The following ARMH4 variants were observed in gnomAD, a reference collection of about 807,000 sequenced individuals.
ARMH4 encodes armadillo-like helical domain-containing protein 4.
ARMH4 carries 49 observed loss-of-function variants against 61.9 expected under a neutral mutation model. The observed-to-expected ratio is 0.79, with a 90% confidence interval of 0.63 to 1.00. The LOEUF (loss-of-function observed/expected upper bound fraction) is 1.00, where lower values mean the gene tolerates loss of function less well. Among genes scored for constraint, ARMH4 ranks in the 50% least tolerant of loss-of-function variants. The pLI, the probability that ARMH4 is intolerant of heterozygous loss-of-function variation, is 0.00. For missense variants in ARMH4, 934 were observed against 930.0 expected, an observed-to-expected ratio of 1.00 and a Z score of -0.06; for synonymous variants, 368 against 341.5, an observed-to-expected ratio of 1.08 and a Z score of -0.85.
At chr14:58,067,153 A>G (rs1375825370) in intron 5 of ARMH4, among the ~76,000 whole-genome samples, 4 of 152,174 alleles carry the variant, frequency 2.6e-5, no homozygotes, top group African/African-American at 9.7e-5. Context: ...TCTGCTTTGT[A>G]CCCTTCCATC....
At chr14:58,096,306 G>C (rs550028446) in intron 5 of ARMH4, among the ~76,000 whole-genome samples, 1 of 152,132 alleles carries the variant, frequency 6.6e-6, no homozygotes, top group African/African-American at 2.4e-5. Flanking sequence ...TTTGTTCTTC[G>C]ACTCTGTCCC....
chr14:58,139,162 G>A lies in ARMH4; in HGVS notation c.197C>T (p.Pro66Leu). Residue 66 changes from proline (P) to leucine (L), a missense_variant, in exon 2 of 8, where the codon CCC becomes CTC. Physicochemically the swap from Pro to Leu is moderately conservative, Grantham distance 98. Transcript: ENST00000267485. ...ENSSVTSKQT[P>L]QLVVSEDPMM... ...TGGATCTTCAGAGACCACCAGTTGG[G>A]GAGTCTGCTTTGAGGTAACAGAGCT... 1 of 1,614,182 alleles carries A rather than the reference G, an allele frequency of 6.2e-7. No individual in the cohort carries two copies. The highest frequency in any genetic ancestry group is 1.3e-5 in the African/African-American group (1 of 75,034).
At position 58,004,846 on chromosome 14, in the gene ARMH4, C is replaced by T. The variant is rs542934434; in HGVS notation, c.2257-42G>A. On this transcript the variant is annotated intron_variant, in intron 7 of 7. Transcript: ENST00000267485. Reference sequence around the variant, plus strand: ...GAAAAGCATTAAACTCTTTCTGCCACAGAGCAAAGCTGAGAAACAGGCCCA... The same window carrying T: ...GAAAAGCATTAAACTCTTTCTGCCATAGAGCAAAGCTGAGAAACAGGCCCA... 433 of 1,578,504 alleles carry T rather than the reference C, an allele frequency of 2.7e-4. 4 individuals carry two copies. The South Asian group carries it at 4.5e-3, about 16-fold the overall frequency.
chr14:58,092,819 T>TTA (rs1885617033), intron 5 of ARMH4, among the ~76,000 whole-genome samples: 1 of 120,102 alleles, frequency 8.3e-6, no homozygotes, highest in Middle Eastern at 3.9e-3. Context: ...CCTTCCCTTT[T>TTA]TGTTTTTTTT....
intron 5 of ARMH4, among the ~76,000 whole-genome samples, chr14:58,040,804 G>C (rs533387578): frequency 1.3e-5 from 2 of 152,308 alleles, no homozygotes; most frequent in East Asian, 3.9e-4. Flanking sequence ...TCTACTTCCA[G>C]TATATTGTGA....
chr14:58,130,318 T>C (rs1887047240), intron 4 of ARMH4, among the ~76,000 whole-genome samples: 2 of 152,230 alleles, frequency 1.3e-5, no homozygotes, highest in Admixed American at 6.5e-5. Context: ...TAAAATGTCA[T>C]GTTCCTCTGT....
chr14:58,022,920 A>G (rs753587555), intron 5 of ARMH4, among the ~76,000 whole-genome samples: 3 of 152,248 alleles, frequency 2.0e-5, no homozygotes, highest in Non-Finnish European at 2.9e-5. Context: ...TAAAAGTTAT[A>G]TTTGCACTAT....
chr14:58,112,419 A>T (rs1241189575), intron 4 of ARMH4, among the ~76,000 whole-genome samples: 1 of 152,048 alleles, frequency 6.6e-6, no homozygotes, highest in African/African-American at 2.4e-5. Flanking sequence ...AACTAACCAA[A>T]GACTGAACTT....
At chr14:58,065,630 A>G (rs1008803295) in intron 5 of ARMH4, among the ~76,000 whole-genome samples, 5 of 152,268 alleles carry the variant, frequency 3.3e-5, no homozygotes, top group Non-Finnish European at 5.9e-5. Context: ...TTACACAGCA[A>G]TGTGGCTCCA....
At chr14:58,131,230 ATTT>A (rs1887083183) in intron 4 of ARMH4, 1 of 358,144 alleles carries the variant, frequency 2.8e-6, no homozygotes, top group Non-Finnish European at 5.1e-6. Context: ...ATATAGCTTT[ATTT>A]ATGAACACTG....
At chr14:58,016,109 T>C (rs968470482) in intron 5 of ARMH4, among the ~76,000 whole-genome samples, 4 of 152,076 alleles carry the variant, frequency 2.6e-5, no homozygotes, top group African/African-American at 9.7e-5. Flanking sequence ...GCTCCAGTTA[T>C]AGAAGACATG....
intron 6 of ARMH4, among the ~76,000 whole-genome samples, chr14:58,006,629 T>C (rs1438624966): frequency 3.3e-5 from 5 of 152,140 alleles, no homozygotes; most frequent in African/African-American, 4.8e-5. Context: ...ATACTAAGTA[T>C]TTTTCCCCAA....
At chr14:58,073,975 A>G (rs1232337868) in intron 5 of ARMH4, among the ~76,000 whole-genome samples, 1 of 151,862 alleles carries the variant, frequency 6.6e-6, no homozygotes, top group Non-Finnish European at 1.5e-5. Context: ...TTAACAAAGT[A>G]TCATCTCAAA....
intron 5 of ARMH4, among the ~76,000 whole-genome samples, chr14:58,031,680 T>C (rs968360474): frequency 4.6e-5 from 7 of 152,188 alleles, no homozygotes; most frequent in African/African-American, 1.7e-4. Context: ...GCTTCCAAAA[T>C]TGTAATGCAA....
intron 5 of ARMH4, among the ~76,000 whole-genome samples, chr14:58,095,475 G>A (rs576327004): frequency 6.6e-6 from 1 of 152,148 alleles, no homozygotes; most frequent in Non-Finnish European, 1.5e-5. Flanking sequence ...ACAGACCAGA[G>A]ATAATCTTAT....
At position 58,003,140 on chromosome 14, in the gene ARMH4, G is replaced by A. The variant is rs977980231; in HGVS notation, c.*1596C>T. ...ACAAAGATGGAAATTCACATCAAAC[G>A]TTCCTTGACCAGGCAGCTATTCCCT... On this transcript the variant is annotated 3_prime_UTR_variant, in exon 8 of 8. Transcript: ENST00000267485. 4 of 148,794 alleles carry A rather than the reference G, an allele frequency of 2.7e-5. No individual in the cohort carries two copies. Among genetic ancestry groups the A allele is most frequent in the African/African-American group, 7.3e-5 (3 of 41,210 alleles). The allele number at this position is 148,794 out of a possible 1,614,324, so 9.2% of individuals were successfully genotyped here.
chr14:58,139,669 T>C (rs995058615), intron 1 of ARMH4, among the ~76,000 whole-genome samples: 4 of 152,232 alleles, frequency 2.6e-5, no homozygotes, highest in African/African-American at 9.6e-5. Flanking sequence ...AGTTCGTTGT[T>C]TCTTAAATAC....
chr14:58,083,587 G>GCAAA (rs990939972), intron 5 of ARMH4, among the ~76,000 whole-genome samples: 4 of 152,026 alleles, frequency 2.6e-5, no homozygotes, highest in African/African-American at 7.2e-5. Flanking sequence ...CATCTCAAAG[G>GCAAA]CAAACAAACA....
intron 4 of ARMH4, among the ~76,000 whole-genome samples, chr14:58,104,034 C>T (rs1886086857): frequency 6.6e-6 from 1 of 152,142 alleles, no homozygotes; most frequent in Non-Finnish European, 1.5e-5. Flanking sequence ...TGCAGGTAAG[C>T]AAGCCTAGCC....
Sources: allele counts gnomAD v4.1 joint callset (sites outside exome capture counted in the v4.1 genomes callset), GRCh38; gene constraint gnomAD v4.1.1; transcripts MANE v1.5; gene names NCBI Gene and HGNC (gene_info 2026-07-23, HGNC 2026-07-21).